The following EVI5 variants were observed in gnomAD, a reference collection of about 807,000 sequenced individuals.
EVI5 encodes ecotropic viral integration site 5, also known as ecotropic viral integration site 5 protein homolog.
A neutral mutation model predicts 112.0 loss-of-function variants in EVI5; 73 were observed. That is an observed-to-expected ratio of 0.65 (90% CI 0.54 to 0.79). The LOEUF (loss-of-function observed/expected upper bound fraction) is 0.79, where lower values mean the gene tolerates loss of function less well. Among genes scored for constraint, EVI5 ranks in the 30% least tolerant of loss-of-function variants. The pLI is 0.00. For synonymous variants in EVI5, 305 were observed against 319.9 expected, an observed-to-expected ratio of 0.95 and a Z score of 0.50; for missense variants, 900 against 968.8, an observed-to-expected ratio of 0.93 and a Z score of 0.94.
intron 1 of EVI5, among the ~76,000 whole-genome samples, chr1:92,765,455 A>G (rs188349972): frequency 2.5e-4 from 38 of 151,316 alleles, no homozygotes; most frequent in Admixed American, 8.5e-4. Flanking sequence ...TGTTATAGGC[A>G]CTACATGCTA....
chr1:92,780,996 C>A (rs1295830057), intron 1 of EVI5, among the ~76,000 whole-genome samples: 1 of 151,934 alleles, frequency 6.6e-6, no homozygotes, highest in Non-Finnish European at 1.5e-5. Flanking sequence ...GGATTACAGG[C>A]ACCCGCCACC....
At chr1:92,570,565 G>A (rs1670189388) in intron 18 of EVI5, among the ~76,000 whole-genome samples, 1 of 152,068 alleles carries the variant, frequency 6.6e-6, no homozygotes, top group Non-Finnish European at 1.5e-5. Flanking sequence ...ATATTTTCAG[G>A]GCAAATAAGA....
chr1:92,724,462 T>C (rs895254103), intron 2 of EVI5, among the ~76,000 whole-genome samples: 1 of 152,154 alleles, frequency 6.6e-6, no homozygotes, highest in Non-Finnish European at 1.5e-5. Context: ...CCCTCTTTCC[T>C]GAAACCAAAA....
Position 92,636,279 on chromosome 1 carries a change from C to A in EVI5, c.1450G>T (p.Val484Phe). 1 of 1,613,698 alleles carries A rather than the reference C, an allele frequency of 6.2e-7. No homozygotes were observed. Among genetic ancestry groups the A allele is most frequent in the Non-Finnish European group, 8.5e-7 (1 of 1,179,628 alleles). Residue 484 changes from valine to phenylalanine, a missense_variant, in exon 14 of 20, where the codon GTC becomes TTC. Coordinates refer to ENST00000684568, the MANE Select transcript of EVI5 (RefSeq NM_001350197.2). ...DFVLQLEKEL[V>F]QARLSEAESQ... is the part of the protein sequence containing the mutation. Reference sequence around the variant, plus strand: ...TCAGCTTCACTCAGTCGGGCTTGGACCAATTCCTTCTCTAGCTGTAGCACA... The same window carrying A: ...TCAGCTTCACTCAGTCGGGCTTGGAACAATTCCTTCTCTAGCTGTAGCACA...
intron 18 of EVI5, among the ~76,000 whole-genome samples, chr1:92,592,646 A>T (rs1674168449): frequency 6.6e-6 from 1 of 152,146 alleles, no homozygotes; most frequent in Non-Finnish European, 1.5e-5. Flanking sequence ...TTTTTTGAAA[A>T]GATCAACAAA....
intron 2 of EVI5, among the ~76,000 whole-genome samples, chr1:92,707,426 T>C (rs772558354): frequency 5.3e-5 from 8 of 151,258 alleles, no homozygotes; most frequent in Admixed American, 2.6e-4. Flanking sequence ...AAAGATAGTA[T>C]ACAGAATATA....
chr1:92,741,347 G>A lies in EVI5; in HGVS notation c.-81-4720C>T, dbSNP rs539115111. On this transcript the variant is annotated intron_variant, in intron 1 of 19. Transcript: ENST00000684568. ...CAGTGAGTCCATTTCACCAAAAGAAGGCAGAAACCAGATTATAGTAAGTTG... is the reference window on the plus strand; with the variant it reads ...CAGTGAGTCCATTTCACCAAAAGAAAGCAGAAACCAGATTATAGTAAGTTG... Among the ~76,000 whole-genome samples, 3 of 152,178 alleles carry A rather than the reference G, an allele frequency of 2.0e-5. No individual in the cohort carries two copies. The South Asian group carries it at 6.2e-4, about 32-fold the overall frequency.
At chr1:92,556,900 C>A (rs1252319584) in intron 19 of EVI5, among the ~76,000 whole-genome samples, 1 of 151,950 alleles carries the variant, frequency 6.6e-6, no homozygotes, top group Non-Finnish European at 1.5e-5. Context: ...ACCTCAAACT[C>A]CTGGGTTCAG....
chr1:92,609,902 T>A (rs1478975633), intron 16 of EVI5, among the ~76,000 whole-genome samples: 1 of 151,130 alleles, frequency 6.6e-6, no homozygotes, highest in Non-Finnish European at 1.5e-5. Flanking sequence ...TTAGATAGGG[T>A]CTCACAGGAG....
intron 18 of EVI5, among the ~76,000 whole-genome samples, chr1:92,602,442 T>C (rs1649380897): frequency 6.6e-6 from 1 of 152,184 alleles, no homozygotes; most frequent in South Asian, 2.1e-4. Context: ...GTCACTCAGA[T>C]TGGAGTGCAG....
Position 92,513,869 on chromosome 1 carries a change from G to C in EVI5, c.2268C>G (p.Ser756=), listed in dbSNP as rs763255869. 6.2e-6 allele frequency: 10 copies of C among 1,612,646 alleles called. No homozygotes were observed. In the Admixed American group the frequency reaches 1.7e-4, roughly 27 times the overall value. ...AATTATCTATAAAATCTTCATCGGA[G>C]GAATGGAATGATTCATCATCTCCTA... is the stretch of plus-strand genomic sequence containing the variant. ...HLIGDDESFH[S]SDEDFIDNSL... Residue 756 remains serine, a synonymous_variant, in exon 20 of 20, where the codon TCC becomes TCG. Transcript: ENST00000684568.
chr1:92,545,569 C>T (rs971617549), intron 19 of EVI5, among the ~76,000 whole-genome samples: 4 of 152,118 alleles, frequency 2.6e-5, no homozygotes, highest in African/African-American at 9.7e-5. Flanking sequence ...CAGATTGGCT[C>T]TGAAACACAC....
chr1:92,791,078 C>G (rs939724133), intron 1 of EVI5, among the ~76,000 whole-genome samples: 2 of 152,140 alleles, frequency 1.3e-5, no homozygotes, highest in African/African-American at 4.8e-5. Flanking sequence ...ACACTGTCAG[C>G]CCAAAAAACT....
upstream of EVI5, chr1:92,785,172 CAGGTT>C (rs1288000745): frequency 1.1e-6 from 1 of 925,172 alleles, no homozygotes; most frequent in African/African-American, 1.8e-5. Flanking sequence ...TGGGTTGGAG[CAGGTT>C]AGGGGCCGGG....
At chr1:92,643,323 AG>A (rs1416717354) in intron 13 of EVI5, among the ~76,000 whole-genome samples, 6 of 129,774 alleles carry the variant, frequency 4.6e-5, no homozygotes, top group Non-Finnish European at 6.3e-5. Flanking sequence ...TTAAAGAGAT[AG>A]GGTCTTGCTC....
rs1247790959 is a variant in EVI5, at chr1:92,510,426, T to C, written c.*3230A>G. The C allele has an allele frequency of 6.6e-6, 1 of 152,224 alleles. No individual in the cohort carries two copies. Among genetic ancestry groups the C allele is most frequent in the African/African-American group, 2.4e-5 (1 of 41,458 alleles). The allele number at this position is 152,224 out of a possible 1,614,324, so 9.4% of individuals were successfully genotyped here. A position where few individuals can be genotyped will look rare whatever the true frequency, so the allele number is the denominator to read the frequency against. ...GAATAAGAGACTTCATCATATAAAATGGCTGGCATGTTTTCCCTTTTGAAT... is the reference window on the plus strand; with the variant it reads ...GAATAAGAGACTTCATCATATAAAACGGCTGGCATGTTTTCCCTTTTGAAT... On this transcript the variant is annotated 3_prime_UTR_variant, in exon 20 of 20. Transcript: ENST00000684568.
intron 1 of EVI5, among the ~76,000 whole-genome samples, chr1:92,739,543 TAATA>T (rs1678019441): frequency 6.6e-6 from 1 of 152,122 alleles, no homozygotes; most frequent in Admixed American, 6.6e-5. Flanking sequence ...CTTGTGAATA[TAATA>T]AATGCCACTG....
chr1:92,544,629 TAGA>T (rs1045805159), intron 19 of EVI5, among the ~76,000 whole-genome samples: 60 of 152,268 alleles, frequency 3.9e-4, no homozygotes, highest in African/African-American at 6.3e-4. Flanking sequence ...TATTAATAAG[TAGA>T]AGGAGATGAA....
chr1:92,523,296 G>A (rs1013985256), intron 19 of EVI5, among the ~76,000 whole-genome samples: 1 of 151,986 alleles, frequency 6.6e-6, no homozygotes, highest in African/African-American at 2.4e-5. Context: ...TATGCACTTT[G>A]TTTCCATGTT....
Sources: allele counts gnomAD v4.1 joint callset (sites outside exome capture counted in the v4.1 genomes callset), GRCh38; gene constraint gnomAD v4.1.1; transcripts MANE v1.5; gene names NCBI Gene and HGNC (gene_info 2026-07-23, HGNC 2026-07-21).